Variants in ATXN1 observed in about 807,000 individuals in gnomAD.
ATXN1 encodes the protein ataxin-1.
Under a neutral mutation model 56.4 loss-of-function variants are expected in ATXN1, and 8 were observed. The observed-to-expected ratio is 0.14, with a 90% CI of 0.08 to 0.26. ATXN1 has a LOEUF of 0.26. Ranked by LOEUF, ATXN1 falls within the 10% of genes least tolerant of loss-of-function variation. The pLI, the probability that ATXN1 is intolerant of heterozygous loss-of-function variation, is 1.00. For synonymous variants in ATXN1, 514 were observed against 494.6 expected (o/e 1.04, Z -0.52); for missense variants, 987 against 1,106.5 (o/e 0.89, Z 1.53).
chr6:16,628,844 AT>A (rs1226143255), intron 3 of ATXN1, among the ~76,000 whole-genome samples: 1 of 151,812 alleles, frequency 6.6e-6, no homozygotes, highest in Admixed American at 6.6e-5. Flanking sequence ...TATGTACCAC[AT>A]TTTTTTTGTC....
chr6:16,689,805 CTTA>C (rs1759005841), intron 2 of ATXN1, among the ~76,000 whole-genome samples: 1 of 151,862 alleles, frequency 6.6e-6, no homozygotes. Flanking sequence ...TTTATAATAC[CTTA>C]TTATGAGGGC....
At chr6:16,449,691 C>T (rs1759713803) in intron 6 of ATXN1, among the ~76,000 whole-genome samples, 1 of 152,190 alleles carries the variant, frequency 6.6e-6, no homozygotes, top group African/African-American at 2.4e-5. Flanking sequence ...CATTTCTTTT[C>T]TTCCTTTTGT....
chr6:16,584,739 T>C (rs185113266), intron 4 of ATXN1, among the ~76,000 whole-genome samples: 48 of 151,888 alleles, frequency 3.2e-4, no homozygotes, highest in African/African-American at 1.1e-3. Context: ...GAAAACTGTA[T>C]TAAGTAGACG....
chr6:16,465,337 G>C (rs1247078564), intron 6 of ATXN1, among the ~76,000 whole-genome samples: 1 of 152,170 alleles, frequency 6.6e-6, no homozygotes, highest in African/African-American at 2.4e-5. Context: ...GGTGTCTGTA[G>C]TCCCAGCTAC....
intron 6 of ATXN1, among the ~76,000 whole-genome samples, chr6:16,423,403 T>C (rs1759076008): frequency 6.6e-6 from 1 of 152,208 alleles, no homozygotes; most frequent in Non-Finnish European, 1.5e-5. Context: ...CCTTGTGATG[T>C]TCCAGGGGTT....
At chr6:16,618,148 C>A (rs1763253898) in intron 3 of ATXN1, among the ~76,000 whole-genome samples, 1 of 152,032 alleles carries the variant, frequency 6.6e-6, no homozygotes, top group Admixed American at 6.6e-5. Flanking sequence ...TCATTCTCAG[C>A]AAACTAACCC....
rs186621882 is a variant in ATXN1, at chr6:16,374,123, C to T, written c.-160-45653G>A. Among the ~76,000 whole-genome samples the T allele has an allele frequency of 7.9e-3, 988 of 125,322 alleles. 10 individuals carry two copies. Among genetic ancestry groups the T allele is most frequent in the African/African-American group, 0.029 (922 of 32,094 alleles). 82.2% of individuals were successfully genotyped at this position (125,322 alleles called of 152,430 possible). A position where few individuals can be genotyped will look rare whatever the true frequency, so the allele number is the denominator to read the frequency against. The stretch of plus-strand genomic sequence containing the variant: ...TATATACCTCGAATTATACCAGAAG[C>T]TTTTAGGATATGAGCAAAAAAAAAA... On this transcript the variant is annotated intron_variant, in intron 6 of 7. Transcript: ENST00000436367.
intron 5 of ATXN1, among the ~76,000 whole-genome samples, chr6:16,521,505 C>T: frequency 6.6e-6 from 1 of 152,194 alleles, no homozygotes; most frequent in East Asian, 1.9e-4. Flanking sequence ...TTGCAGTGAG[C>T]CGAGATCGTG....
At chr6:16,689,898 G>A (rs1759010770) in intron 2 of ATXN1, among the ~76,000 whole-genome samples, 2 of 152,016 alleles carry the variant, frequency 1.3e-5, no homozygotes, top group African/African-American at 4.8e-5. Context: ...CGTCTGTACC[G>A]TTTGATCAAC....
At chr6:16,433,635 A>G (rs1759331702) in intron 6 of ATXN1, among the ~76,000 whole-genome samples, 1 of 152,240 alleles carries the variant, frequency 6.6e-6, no homozygotes, top group South Asian at 2.1e-4. Flanking sequence ...TCAGCTGTAC[A>G]GCTCCTTACT....
chr6:16,402,458 A>G (rs1758597549), intron 6 of ATXN1, among the ~76,000 whole-genome samples: 1 of 151,822 alleles, frequency 6.6e-6, no homozygotes, highest in South Asian at 2.1e-4. Flanking sequence ...AACTTACGAG[A>G]CAACTGGCTT....
chr6:16,666,949 C>A (rs1758441390), intron 2 of ATXN1: 1 of 152,104 alleles, frequency 6.6e-6, no homozygotes, highest in South Asian at 2.1e-4. Context: ...CATGAAGTAA[C>A]TAGGTAAATT....
rs77343049 is a variant in ATXN1, at chr6:16,639,117, T to C, written c.-489+18659A>G. On this transcript the variant is annotated intron_variant, in intron 3 of 7. Transcript: ENST00000436367. Reference sequence around the variant, plus strand: ...GTAAAATGGACCAATCAGTGCTCTGTAGAATGGACCAATCAGCAGGACATG... The same window carrying C: ...GTAAAATGGACCAATCAGTGCTCTGCAGAATGGACCAATCAGCAGGACATG... Among the ~76,000 whole-genome samples, 1,208 of 152,252 alleles carry C rather than the reference T, an allele frequency of 7.9e-3. 18 individuals carry two copies. The highest frequency in any genetic ancestry group is 0.027 in the African/African-American group (1,142 of 41,542).
Position 16,365,093 on chromosome 6 carries a change from G to C in ATXN1, c.-160-36623C>G, listed in dbSNP as rs144350999. On this transcript the variant is annotated intron_variant, in intron 6 of 7. Transcript: ENST00000436367. The stretch of plus-strand genomic sequence containing the variant: ...ATTTTATTACACTTTAAGTTCTAGG[G>C]TACATATGCACAATGTGCACGTTTG... 8.0e-4 allele frequency among the ~76,000 whole-genome samples: 121 copies of C among 152,074 alleles called. 1 individual carries two copies. The highest frequency in any genetic ancestry group is 2.0e-3 in the African/African-American group (83 of 41,490).
At chr6:16,428,925 A>G (rs1030055141) in intron 6 of ATXN1, among the ~76,000 whole-genome samples, 1 of 152,138 alleles carries the variant, frequency 6.6e-6, no homozygotes, top group African/African-American at 2.4e-5. Context: ...TAGAGGAAGG[A>G]TTTTGACGGG....
At chr6:16,391,261 TA>T (rs539647958) in intron 6 of ATXN1, among the ~76,000 whole-genome samples, 6 of 151,286 alleles carry the variant, frequency 4.0e-5, no homozygotes, top group African/African-American at 7.3e-5. Context: ...TATTTTTTTT[TA>T]AAAAAAAGAA....
At chr6:16,684,635 T>C (rs575265003) in intron 2 of ATXN1, among the ~76,000 whole-genome samples, 1 of 152,294 alleles carries the variant, frequency 6.6e-6, no homozygotes, top group East Asian at 1.9e-4. Context: ...GCCTAAGACT[T>C]CCACCCAGTT....
chr6:16,415,333 G>A (rs187296436), intron 6 of ATXN1, among the ~76,000 whole-genome samples: 1 of 152,096 alleles, frequency 6.6e-6, no homozygotes, highest in East Asian at 1.9e-4. Flanking sequence ...GGGTTCAAGA[G>A]ATTCTCCTGC....
At chr6:16,443,991 C>A (rs565798572) in intron 6 of ATXN1, among the ~76,000 whole-genome samples, 1 of 152,146 alleles carries the variant, frequency 6.6e-6, no homozygotes, top group African/African-American at 2.4e-5. Flanking sequence ...TGGCGGGCGC[C>A]TGTAGTCCCA....
Sources: gnomAD v4.1 joint callset for allele counts (sites outside exome capture counted in the v4.1 genomes callset) on GRCh38, gnomAD v4.1.1 for gene constraint, MANE v1.5 for transcripts, NCBI Gene and HGNC (gene_info 2026-07-23, HGNC 2026-07-21) for gene names.